The following RBBP8 variants were observed in gnomAD, a reference collection of about 807,000 sequenced individuals.
The protein encoded by RBBP8 is RB binding protein 8, endonuclease, also known as DNA endonuclease RBBP8.
RBBP8 carries 88 observed loss-of-function variants against 108.3 expected under a neutral mutation model. That is an observed-to-expected ratio of 0.81 (90% CI 0.68 to 0.97). The LOEUF (loss-of-function observed/expected upper bound fraction) is 0.97. Ranked by LOEUF, RBBP8 falls within the 50% of genes least tolerant of loss-of-function variation. The probability of loss-of-function intolerance (pLI) is 0.00; values close to 1 mark genes in which losing one functional copy is unlikely to be tolerated. For missense variants in RBBP8, 1,023 were observed against 1,049.0 expected (o/e 0.98, Z 0.34); for synonymous variants, 332 against 348.2 (o/e 0.95, Z 0.52).
chr18:22,948,263 A>C (rs1010347836), intron 3 of RBBP8, among the ~76,000 whole-genome samples: 1 of 152,040 alleles, frequency 6.6e-6, no homozygotes, highest in Non-Finnish European at 1.5e-5. Context: ...GATTAATCAC[A>C]CCTCCAGGCT....
intron 17 of RBBP8, among the ~76,000 whole-genome samples, chr18:23,019,656 C>T (rs2046315724): frequency 6.6e-6 from 1 of 152,032 alleles, no homozygotes; most frequent in Non-Finnish European, 1.5e-5. Flanking sequence ...ATCTCAATAA[C>T]TTTTATATCA....
chr18:22,960,670 A>G (rs1913018971), intron 4 of RBBP8, among the ~76,000 whole-genome samples: 1 of 151,972 alleles, frequency 6.6e-6, no homozygotes, highest in Admixed American at 6.6e-5. Context: ...ATAATAGCTC[A>G]CTGCAGATTC....
intron 16 of RBBP8, among the ~76,000 whole-genome samples, chr18:23,013,344 T>C (rs2046201550): frequency 6.6e-6 from 1 of 151,986 alleles, no homozygotes; most frequent in African/African-American, 2.4e-5. Context: ...GGGATGAAAT[T>C]ATAGGGGTCA....
intron 18 of RBBP8, among the ~76,000 whole-genome samples, chr18:23,022,662 A>AT (rs1568010553): frequency 3.0e-4 from 15 of 50,094 alleles, no homozygotes; most frequent in Admixed American, 1.3e-3. Flanking sequence ...ATAAAATAAA[A>AT]TAAAATAAAT....
At chr18:22,958,132 A>G (rs1912745882) in intron 4 of RBBP8, among the ~76,000 whole-genome samples, 1 of 152,228 alleles carries the variant, frequency 6.6e-6, no homozygotes, top group South Asian at 2.1e-4. Context: ...CGATATAAAT[A>G]TGGTCAAGGT....
Position 22,993,363 on chromosome 18 carries a change from TA to T in RBBP8, c.1541del (p.Asn514ThrfsTer6). ...QEKSQGSETS[K>X]NKFRQVTLYE... is the part of the protein sequence containing the mutation. ...AGAAAAGCCAAGGAAGTGAGACTTC[TA>T]AAAACAAATTTAGGCAAGTGACTCT... On this transcript the variant is annotated frameshift_variant, in exon 11 of 19. Coordinates refer to ENST00000327155, the MANE Select transcript of RBBP8 (RefSeq NM_002894.3). LOFTEE classifies it high-confidence loss of function. 1 of 1,614,258 alleles carries T rather than the reference TA, an allele frequency of 6.2e-7. No individual in the cohort carries two copies. The highest frequency in any genetic ancestry group is 8.5e-7 in the Non-Finnish European group (1 of 1,180,048).
At chr18:23,024,788 T>G (rs887033926) in intron 18 of RBBP8, 15 of 152,272 alleles carry the variant, frequency 9.9e-5, no homozygotes, top group East Asian at 3.8e-4. Context: ...ATATTTATGA[T>G]TTGACTTTTT....
chr18:23,016,746 C>G (rs2046261228), intron 16 of RBBP8, 82 bp from the exon 17 acceptor site: 2 of 1,086,510 alleles, frequency 1.8e-6, no homozygotes, highest in Non-Finnish European at 2.8e-6. Context: ...ATAAACATTT[C>G]AAATAAAAAT....
Position 22,989,213 on chromosome 18 carries a change from AT to A in RBBP8, c.710-6del. The A allele has an allele frequency of 6.3e-7, 1 of 1,579,590 alleles. No homozygotes were observed. On this transcript the variant is annotated splice_region_variant and splice_polypyrimidine_tract_variant and intron_variant, in intron 8 of 18. Coordinates refer to ENST00000327155, the MANE Select transcript of RBBP8 (RefSeq NM_002894.3). Reference sequence around the variant, plus strand: ...TATTTATTAAAATGGTTTATTATTTATTCTTAGAAGCACATGGAACAAGCAG... The same window carrying A: ...TATTTATTAAAATGGTTTATTATTTATCTTAGAAGCACATGGAACAAGCAG...
At chr18:22,933,743 G>A (rs1012741600) in intron 1 of RBBP8, 179 bp downstream of exon 1, 3 of 152,256 alleles carry the variant, frequency 2.0e-5, no homozygotes, top group East Asian at 1.9e-4. Flanking sequence ...ACCGGCGGGA[G>A]GACGAGCGCT....
chr18:23,016,012 C>A (rs1016673644), intron 16 of RBBP8, among the ~76,000 whole-genome samples: 1 of 152,068 alleles, frequency 6.6e-6, no homozygotes, highest in Non-Finnish European at 1.5e-5. Flanking sequence ...CGGGTTCAAG[C>A]GGTTCTTGTG....
At chr18:22,988,642 C>T (rs1915485598) in intron 8 of RBBP8, among the ~76,000 whole-genome samples, 1 of 152,114 alleles carries the variant, frequency 6.6e-6, no homozygotes, top group African/African-American at 2.4e-5. Flanking sequence ...TATTGCAGTT[C>T]TCTTTTTACC....
Position 22,955,982 on chromosome 18 carries a change from A to T in RBBP8, c.248+6269A>T, listed in dbSNP as rs1371734127. ...TATTAATGTTATATAAATTAATTAC[A>T]TCTTAAATGATCATCTCAAAGTATT... is the stretch of plus-strand genomic sequence containing the variant. On this transcript the variant is annotated intron_variant, in intron 4 of 18. Transcript: ENST00000327155. Among the ~76,000 whole-genome samples the T allele has an allele frequency of 2.0e-5, 3 of 152,296 alleles. No homozygotes were observed. The East Asian group carries it at 5.8e-4, about 29-fold the overall frequency.
intron 10 of RBBP8, 145 bp downstream of exon 10, chr18:22,991,194 C>G (rs1915676684): frequency 1.7e-5 from 12 of 695,066 alleles, no homozygotes; most frequent in Non-Finnish European, 3.0e-5. Flanking sequence ...AATTGTCTCC[C>G]TAGTTTCTGA....
chr18:22,949,578 T>TA (rs1911852022), intron 3 of RBBP8, 40 bp from the exon 4 acceptor site: 1 of 1,382,552 alleles, frequency 7.2e-7, no homozygotes, highest in Non-Finnish European at 1.0e-6. Context: ...CTGTTAAGAG[T>TA]ATTTTTATCT....
At chr18:22,953,873 C>T (rs1367360289) in intron 4 of RBBP8, among the ~76,000 whole-genome samples, 1 of 151,980 alleles carries the variant, frequency 6.6e-6, no homozygotes, top group Non-Finnish European at 1.5e-5. Flanking sequence ...CCTCAGGAAA[C>T]TTACAATCAT....
At chr18:22,990,567 A>C (rs1313337205) in intron 9 of RBBP8, among the ~76,000 whole-genome samples, 4 of 152,220 alleles carry the variant, frequency 2.6e-5, no homozygotes, top group African/African-American at 9.6e-5. Flanking sequence ...ATTATTTTGA[A>C]GTGTACAACT....
At chr18:22,997,311 A>G (rs1713069234) in intron 13 of RBBP8, among the ~76,000 whole-genome samples, 1 of 152,206 alleles carries the variant, frequency 6.6e-6, no homozygotes, top group East Asian at 1.9e-4. Flanking sequence ...ATTGATGTTC[A>G]TTACTATAAG....
chr18:22,965,331 G>A (rs1913488281), intron 4 of RBBP8, among the ~76,000 whole-genome samples: 1 of 152,114 alleles, frequency 6.6e-6, no homozygotes, highest in South Asian at 2.1e-4. Context: ...CTGAGTGCAT[G>A]GGTAGAGCTG....
Sources: gnomAD v4.1 joint callset for allele counts (sites outside exome capture counted in the v4.1 genomes callset) on GRCh38, gnomAD v4.1.1 for gene constraint, MANE v1.5 for transcripts, NCBI Gene and HGNC (gene_info 2026-07-23, HGNC 2026-07-21) for gene names.